The following MED27 variants were observed in gnomAD, a reference collection of about 807,000 sequenced individuals.
MED27 encodes the protein mediator of RNA polymerase II transcription subunit 27.
A neutral mutation model predicts 38.2 loss-of-function variants in MED27; 30 were observed. The ratio of observed to expected loss-of-function variants is 0.79; its 90% CI spans 0.59 to 1.07. The LOEUF is 1.07. Ranked by LOEUF, MED27 falls within the 50% of genes least tolerant of loss-of-function variation. The pLI, the probability that MED27 is intolerant of heterozygous loss-of-function variation, is 0.00. For missense variants in MED27, 289 were observed against 397.5 expected (o/e 0.73, Z 2.32); for synonymous variants, 122 against 153.5 (o/e 0.79, Z 1.52).
chr9:131,969,570 G>A (rs1831430627), intron 3 of MED27, among the ~76,000 whole-genome samples: 1 of 152,126 alleles, frequency 6.6e-6, no homozygotes, highest in African/African-American at 2.4e-5. Context: ...TGGCAAGGGA[G>A]GATAAGCCCG....
chr9:132,041,531 T>G (rs1833210794), intron 2 of MED27, among the ~76,000 whole-genome samples: 1 of 152,168 alleles, frequency 6.6e-6, no homozygotes, highest in Non-Finnish European at 1.5e-5. Flanking sequence ...TCCACAGAGC[T>G]CAGTCGCTCC....
intron 4 of MED27, among the ~76,000 whole-genome samples, chr9:131,918,578 G>C (rs895901648): frequency 6.6e-6 from 1 of 151,720 alleles, no homozygotes; most frequent in African/African-American, 2.4e-5. Context: ...GTAACATAAA[G>C]TGTTTTCTTT....
At chr9:131,969,458 G>A (rs1346301366) in intron 3 of MED27, among the ~76,000 whole-genome samples, 5 of 151,502 alleles carry the variant, frequency 3.3e-5, no homozygotes, top group South Asian at 2.1e-4. Context: ...AAGTGCTCTC[G>A]TAACATTTTA....
At chr9:131,930,855 G>C (rs888671806) in intron 4 of MED27, among the ~76,000 whole-genome samples, 1 of 152,152 alleles carries the variant, frequency 6.6e-6, no homozygotes, top group Non-Finnish European at 1.5e-5. Flanking sequence ...AAGTTAAAAA[G>C]CGGGGCCATG....
chr9:131,917,648 C>T lies in MED27; in HGVS notation c.573+21733G>A, dbSNP rs1431442123. 5.9e-5 allele frequency among the ~76,000 whole-genome samples: 9 copies of T among 151,938 alleles called. No individual in the cohort carries two copies. The highest frequency in any genetic ancestry group is 1.9e-4 in the East Asian group (1 of 5,182). On this transcript the variant is annotated intron_variant, in intron 4 of 7. Coordinates refer to ENST00000292035, the MANE Select transcript of MED27 (RefSeq NM_004269.4). This position sits in a 1 kb window ranked among gnomAD's most constrained non-coding sequence, Gnocchi z 4.6. ...TGTGGGTGACAATGGGGATGCCACC[C>T]GCAATGTAATCAGTGCTAGAGATTA...
At chr9:132,071,478 A>G (rs1003719883) in intron 2 of MED27, among the ~76,000 whole-genome samples, 3 of 151,434 alleles carry the variant, frequency 2.0e-5, no homozygotes, top group African/African-American at 4.9e-5. Flanking sequence ...CACCCCACAA[A>G]TAAGTCCATA....
At chr9:131,967,584 C>T (rs1223592534) in intron 3 of MED27, among the ~76,000 whole-genome samples, 5 of 151,742 alleles carry the variant, frequency 3.3e-5, no homozygotes, top group South Asian at 2.1e-4. Context: ...CTCGGCCTCC[C>T]GGGTTCAAGC....
intron 3 of MED27, among the ~76,000 whole-genome samples, chr9:131,980,141 C>T (rs2131026451): frequency 7.1e-6 from 1 of 141,446 alleles, no homozygotes; most frequent in Admixed American, 7.8e-5. Context: ...TATAGTGCCA[C>T]ATACACATGC....
chr9:131,971,848 C>A (rs761831568), intron 3 of MED27, among the ~76,000 whole-genome samples: 9 of 152,308 alleles, frequency 5.9e-5, no homozygotes, highest in Middle Eastern at 3.4e-3. Context: ...ACAAAGGAGT[C>A]TGCATCTCTA....
At chr9:131,966,297 G>A (rs1283991492) in intron 3 of MED27, among the ~76,000 whole-genome samples, 1 of 143,292 alleles carries the variant, frequency 7.0e-6, no homozygotes, top group Non-Finnish European at 1.5e-5. Context: ...GCTGGGACAG[G>A]AGGATCACTT....
intron 2 of MED27, among the ~76,000 whole-genome samples, chr9:132,040,835 A>G (rs1833193331): frequency 6.6e-6 from 1 of 152,174 alleles, no homozygotes; most frequent in Non-Finnish European, 1.5e-5. Context: ...TTCCTCCCAT[A>G]TGCTTTGTCA....
At chr9:131,903,621 C>T (rs572833660) in intron 4 of MED27, among the ~76,000 whole-genome samples, 17 of 152,314 alleles carry the variant, frequency 1.1e-4, no homozygotes, top group African/African-American at 3.8e-4. Context: ...ACATGGAACC[C>T]TCTCTAAGGA....
intron 4 of MED27, among the ~76,000 whole-genome samples, chr9:131,907,211 C>T (rs555598194): frequency 6.6e-6 from 1 of 151,878 alleles, no homozygotes; most frequent in Non-Finnish European, 1.5e-5. Flanking sequence ...CCCTCTCCCT[C>T]TCCCTCTCCC....
chr9:132,015,166 T>A (rs1358536209), intron 2 of MED27, among the ~76,000 whole-genome samples: 3 of 152,230 alleles, frequency 2.0e-5, no homozygotes, highest in African/African-American at 7.2e-5. Flanking sequence ...AAATTACAAA[T>A]ATCAATCATA....
chr9:132,068,138 G>A lies in MED27; in HGVS notation c.348+9304C>T, dbSNP rs141887371. Among the ~76,000 whole-genome samples, 228 of 152,240 alleles carry A rather than the reference G, an allele frequency of 1.5e-3. 1 individual carries two copies. Among genetic ancestry groups the A allele is most frequent in the African/African-American group, 5.3e-3 (219 of 41,528 alleles). On this transcript the variant is annotated intron_variant, in intron 2 of 7. Coordinates refer to ENST00000292035, the MANE Select transcript of MED27 (RefSeq NM_004269.4). ...GGTGCTAGACCATGACGACAACAAC[G>A]GGCCTGTGCTGGGGCTGCTAACGGT...
At position 132,054,482 on chromosome 9, in the gene MED27, G is replaced by A. The variant is rs1321457299; in HGVS notation, c.348+22960C>T. On this transcript the variant is annotated intron_variant, in intron 2 of 7. Coordinates refer to ENST00000292035, the MANE Select transcript of MED27 (RefSeq NM_004269.4). ...TTACCCAGGCTGGAGTGCAGTGGCC[G>A]GATTTCTGCACACTGCAATTTCCAC... Among the ~76,000 whole-genome samples, 4 of 152,120 alleles carry A rather than the reference G, an allele frequency of 2.6e-5. No individual in the cohort carries two copies. The South Asian group carries it at 6.2e-4, about 24-fold the overall frequency.
intron 2 of MED27, among the ~76,000 whole-genome samples, chr9:132,030,448 G>A (rs1323206548): frequency 6.6e-6 from 1 of 152,162 alleles, no homozygotes; most frequent in Non-Finnish European, 1.5e-5. Context: ...ACCTAAAAGA[G>A]GGGAAGAAAG....
At chr9:132,009,826 G>GT (rs986852035) in intron 3 of MED27, among the ~76,000 whole-genome samples, 1 of 152,214 alleles carries the variant, frequency 6.6e-6, no homozygotes, top group Non-Finnish European at 1.5e-5. Context: ...GGATTTCGGT[G>GT]TTTTATAAGG....
chr9:131,919,741 G>A (rs1309960897), intron 4 of MED27, among the ~76,000 whole-genome samples: 2 of 151,650 alleles, frequency 1.3e-5, no homozygotes, highest in African/African-American at 4.8e-5. Flanking sequence ...TGTACCCCAT[G>A]AATTTTATAC....
Sources: gnomAD v4.1 joint callset for allele counts (sites outside exome capture counted in the v4.1 genomes callset) on GRCh38, gnomAD v4.1.1 for gene constraint, Gnocchi (gnomAD v3.1) non-coding constraint, MANE v1.5 for transcripts, NCBI Gene and HGNC (gene_info 2026-07-23, HGNC 2026-07-21) for gene names.